Variants in LRP5 observed in about 807,000 individuals in gnomAD.
LRP5 encodes the protein LDL receptor related protein 5.
In LRP5, 62 loss-of-function variants were observed where a neutral mutation model predicts 154.1. That is an observed-to-expected ratio of 0.40 (90% CI 0.33 to 0.50). The LOEUF (loss-of-function observed/expected upper bound fraction) is 0.50, where lower values mean the gene tolerates loss of function less well. Among genes scored for constraint, LRP5 ranks in the 20% least tolerant of loss-of-function variants. The pLI is 0.55. For missense variants in LRP5, 1,915 were observed against 2,336.7 expected (o/e 0.82, Z 3.72); for synonymous variants, 966 against 1,011.5 (o/e 0.96, Z 0.85).
intron 13 of LRP5, among the ~76,000 whole-genome samples, chr11:68,421,728 T>C (rs1228598796): frequency 7.4e-6 from 1 of 134,726 alleles, no homozygotes; most frequent in Admixed American, 7.6e-5. Flanking sequence ...GTGTGTGGTG[T>C]GTGTGTGGTG....
chr11:68,396,038 G>A (rs1024705754), intron 7 of LRP5, among the ~76,000 whole-genome samples: 1 of 152,014 alleles, frequency 6.6e-6, no homozygotes, highest in Non-Finnish European at 1.5e-5. Flanking sequence ...GGAAACACCC[G>A]CTGAGTACGC....
chr11:68,363,964 G>A lies in LRP5; in HGVS notation c.883+21G>A, dbSNP rs539231681. On this transcript the variant is annotated intron_variant, in intron 4 of 22. Coordinates refer to ENST00000294304, the MANE Select transcript of LRP5 (RefSeq NM_002335.4). ...TTTCTGTGAGTGCCGGCTGGGGCGC[G>A]GGGGCGAGGGTGCGGGGGCTGGGGG... 512 of 1,553,872 alleles carry A rather than the reference G, an allele frequency of 3.3e-4. 3 individuals carry two copies. In the South Asian group the frequency reaches 5.7e-3, roughly 17 times the overall value.
chr11:68,339,565 C>G (rs2098607702), intron 1 of LRP5, among the ~76,000 whole-genome samples: 1 of 152,094 alleles, frequency 6.6e-6, no homozygotes, highest in African/African-American at 2.4e-5. Context: ...CCAGGCTGGT[C>G]TCGAACTCCT....
At chr11:68,364,356 A>ATGTGTGTGTGTGTGTGTGTG (rs201962983) in intron 4 of LRP5, among the ~76,000 whole-genome samples, 3 of 127,382 alleles carry the variant, frequency 2.4e-5, no homozygotes, top group Non-Finnish European at 3.6e-5. Flanking sequence ...ATATACATAT[A>ATGTGTGTGTGTGTGTGTGTG]TATGTGTGTG....
chr11:68,380,819 G>A (rs1237896509), intron 5 of LRP5, among the ~76,000 whole-genome samples: 2 of 152,240 alleles, frequency 1.3e-5, no homozygotes, highest in African/African-American at 4.8e-5. Context: ...AGTGGCCCAG[G>A]CCGTCTGCTC....
chr11:68,339,501 C>T (rs1213694537), intron 1 of LRP5, among the ~76,000 whole-genome samples: 2 of 152,010 alleles, frequency 1.3e-5, no homozygotes, highest in Admixed American at 6.6e-5. Context: ...GCGCCCTCCA[C>T]CATGCCCAGC....
chr11:68,343,622 G>A (rs2098610422), intron 1 of LRP5, among the ~76,000 whole-genome samples: 1 of 152,150 alleles, frequency 6.6e-6, no homozygotes, highest in Admixed American at 6.5e-5. Flanking sequence ...TGTGGGGGCT[G>A]CCTGGCCTGG....
chr11:68,332,620 G>T (rs963982234), intron 1 of LRP5, among the ~76,000 whole-genome samples: 3 of 152,226 alleles, frequency 2.0e-5, no homozygotes, highest in African/African-American at 7.2e-5. Context: ...ACCAGGGAGG[G>T]TTTTTAGGGG....
rs189825292 is a variant in LRP5, at chr11:68,366,533, G to A, written c.1015+831G>A. Among the ~76,000 whole-genome samples, 1,023 of 152,252 alleles carry A rather than the reference G, an allele frequency of 6.7e-3. 38 individuals carry two copies. In the East Asian group the frequency reaches 0.12, roughly 17 times the overall value. On this transcript the variant is annotated intron_variant, in intron 5 of 22. Transcript: ENST00000294304. Reference sequence around the variant, plus strand: ...GCTAGGGTCTGTGTTTGTGTGCAGCGGCTGGGGTGTGTGTGTGGTCGTGGC... The same window carrying A: ...GCTAGGGTCTGTGTTTGTGTGCAGCAGCTGGGGTGTGTGTGTGGTCGTGGC...
At chr11:68,324,004 C>T (rs536646987) in intron 1 of LRP5, among the ~76,000 whole-genome samples, 1 of 152,380 alleles carries the variant, frequency 6.6e-6, no homozygotes, top group East Asian at 1.9e-4. Flanking sequence ...GTAGACTCCA[C>T]TGCAGCTCTG....
At chr11:68,416,665 T>C in intron 13 of LRP5, 138 bp downstream of exon 13, 5 of 793,418 alleles carry the variant, frequency 6.3e-6, no homozygotes, top group Non-Finnish European at 1.1e-5. Context: ...GGGCTTCGAT[T>C]ATGTAGTCAC....
At chr11:68,304,223 G>C in the LRP5 span, among the ~76,000 whole-genome samples, 1 of 152,238 alleles carries the variant, frequency 6.6e-6, no homozygotes, top group Non-Finnish European at 1.5e-5. Context: ...CTCCCTGCCT[G>C]CATCTAGACT....
chr11:68,340,291 G>A (rs2098608190), intron 1 of LRP5, among the ~76,000 whole-genome samples: 1 of 152,136 alleles, frequency 6.6e-6, no homozygotes, highest in South Asian at 2.1e-4. Context: ...CCTGTTTCAT[G>A]AATGAGGAAA....
At chr11:68,408,910 G>A (rs968932513) in intron 9 of LRP5, among the ~76,000 whole-genome samples, 3 of 150,798 alleles carry the variant, frequency 2.0e-5, no homozygotes, top group South Asian at 2.1e-4. Context: ...TAAGTCGGGC[G>A]TAGTGGTGCA....
chr11:68,441,125 C>T (rs1244388436), intron 21 of LRP5, among the ~76,000 whole-genome samples: 1 of 151,734 alleles, frequency 6.6e-6, no homozygotes, highest in African/African-American at 2.4e-5. Flanking sequence ...GTCACCCAGG[C>T]TGGAGTGCAA....
chr11:68,419,812 GA>G (rs2098664548), intron 13 of LRP5, among the ~76,000 whole-genome samples: 1 of 152,014 alleles, frequency 6.6e-6, no homozygotes, highest in East Asian at 1.9e-4. Flanking sequence ...AAAATGCTGA[GA>G]TTACAGGTGT....
At chr11:68,299,032 G>A in the LRP5 span, among the ~76,000 whole-genome samples, 8 of 152,296 alleles carry the variant, frequency 5.3e-5, no homozygotes, top group East Asian at 1.9e-4. Flanking sequence ...CCGCCGTCCC[G>A]ATCTTGCCCC....
chr11:68,326,483 C>T lies in LRP5; in HGVS notation c.91+13678C>T, dbSNP rs529913204. ...TGGGCACCAGGTTCTTCCCCCTCTG[C>T]CCAAGGTCCCTGCCCACCCGTCTTC... On this transcript the variant is annotated intron_variant, in intron 1 of 22. Transcript: ENST00000294304. 7.9e-5 allele frequency among the ~76,000 whole-genome samples: 12 copies of T among 152,380 alleles called. No individual in the cohort carries two copies. The East Asian group carries it at 2.1e-3, about 27-fold the overall frequency.
chr11:68,336,764 C>T (rs1408114903), intron 1 of LRP5, among the ~76,000 whole-genome samples: 3 of 152,200 alleles, frequency 2.0e-5, no homozygotes, highest in African/African-American at 7.2e-5. Context: ...CCACCGTGCC[C>T]GGCCTGCATT....
Sources: gnomAD v4.1 joint callset for allele counts (sites outside exome capture counted in the v4.1 genomes callset) on GRCh38, gnomAD v4.1.1 for gene constraint, MANE v1.5 for transcripts, NCBI Gene and HGNC (gene_info 2026-07-23, HGNC 2026-07-21) for gene names.